Variants in TBC1D2 observed in about 807,000 individuals in gnomAD.
The protein encoded by TBC1D2 is TBC1 domain family member 2A.
Under a neutral mutation model 91.1 loss-of-function variants are expected in TBC1D2, and 58 were observed. The observed-to-expected ratio is 0.64, with a 90% CI of 0.52 to 0.79. The LOEUF is 0.79. TBC1D2 is among the 30% of genes least tolerant of loss of function. The pLI, the probability that TBC1D2 is intolerant of heterozygous loss-of-function variation, is 0.00. For missense variants in TBC1D2, 1,080 were observed against 1,208.3 expected, an observed-to-expected ratio of 0.89 and a Z score of 1.57; for synonymous variants, 482 against 511.5, an observed-to-expected ratio of 0.94 and a Z score of 0.78.
At chr9:98,215,300 T>G (rs1160327395) in intron 6 of TBC1D2, among the ~76,000 whole-genome samples, 1 of 152,192 alleles carries the variant, frequency 6.6e-6, no homozygotes, top group Non-Finnish European at 1.5e-5. Context: ...ATATAGAAAC[T>G]TATGAATACA....
In TBC1D2 at chr9:98,220,856, G is replaced by A; in HGVS notation, c.1351C>T (p.Gln451Ter). 2 of 1,614,114 alleles carry A rather than the reference G, an allele frequency of 1.2e-6. No individual in the cohort carries two copies. The highest frequency in any genetic ancestry group is 1.7e-6 in the Non-Finnish European group (2 of 1,179,980). The change falls in exon 6 of 13, where the codon CAG becomes TAG. Residue 451 changes from glutamine (Q) to a stop codon, truncating the protein, a stop_gained. Transcript: ENST00000465784. LOFTEE classifies it high-confidence loss of function. ...DAANRDFLSQ[Q>*]GKIEHLKDDM... is the part of the protein sequence containing the mutation. ...ACCTTCAGGTGCTCTATCTTCCCCT[G>A]CTGGCTCAGGAAGTCCCTGTTGGCA... is the stretch of plus-strand genomic sequence containing the variant.
chr9:98,233,561 C>T lies in TBC1D2; in HGVS notation c.648-12G>A. The T allele has an allele frequency of 1.2e-6, 2 of 1,613,590 alleles. No individual in the cohort carries two copies. The highest frequency in any genetic ancestry group is 1.7e-6 in the Non-Finnish European group (2 of 1,179,716). ...TGTGCATTGTGTTCCTGAAAGGAGA[C>T]AAGAACAGAGGAGCATGAGGCTGAA... is the stretch of plus-strand genomic sequence containing the variant. On this transcript the variant is annotated splice_polypyrimidine_tract_variant and intron_variant, in intron 3 of 12. Transcript: ENST00000465784.
At position 98,210,820 on chromosome 9, in the gene TBC1D2, G is replaced by A; in HGVS notation, c.1509C>T (p.Asn503=). Residue 503 remains asparagine (N), a synonymous_variant, in exon 8 of 13, where the codon AAC becomes AAT. Transcript: ENST00000465784. ...CCAGGTACTTGCTTTCCACCTGGCA[G>A]TTTCTGGCTTGGAGGTAGGCGCACT... ...LTKCAYLQAR[N]CQVESKYLAG... 6.4e-7 allele frequency: 1 copy of A among 1,552,044 alleles called. No individual in the cohort carries two copies.
At chr9:98,214,268 A>G (rs56389462) in intron 6 of TBC1D2, among the ~76,000 whole-genome samples, 1,227 of 60,218 alleles carry the variant, frequency 0.02, 8 homozygotes, top group South Asian at 0.028. Flanking sequence ...ACGTGGCCAG[A>G]TTGATTTGGA....
At chr9:98,219,917 C>T (rs1227714761) in intron 6 of TBC1D2, among the ~76,000 whole-genome samples, 8 of 152,302 alleles carry the variant, frequency 5.3e-5, no homozygotes, top group Admixed American at 5.2e-4. Context: ...TGAGTGCACT[C>T]CACAGCCACA....
chr9:98,237,996 C>A (rs201488677), intron 3 of TBC1D2, among the ~76,000 whole-genome samples: 13 of 150,048 alleles, frequency 8.7e-5, no homozygotes, highest in African/African-American at 2.5e-4. Flanking sequence ...CTCTGCCTCC[C>A]GGGTTCAAGC....
chr9:98,238,411 A>C lies in TBC1D2; in HGVS notation c.648-4862T>G, dbSNP rs923106849. Among the ~76,000 whole-genome samples, 6 of 137,310 alleles carry C rather than the reference A, an allele frequency of 4.4e-5. 1 individual carries two copies. The highest frequency in any genetic ancestry group is 7.2e-5 in the African/African-American group (2 of 27,694). 90.1% of individuals were successfully genotyped at this position (137,310 alleles called of 152,430 possible). A position where few individuals can be genotyped will look rare whatever the true frequency, so the allele number is the denominator to read the frequency against. ...GGTTGTTTATTACAGGTGTATAGAAATACAACTGATATTTCTATATTGATC... is the reference window on the plus strand; with the variant it reads ...GGTTGTTTATTACAGGTGTATAGAACTACAACTGATATTTCTATATTGATC... On this transcript the variant is annotated intron_variant, in intron 3 of 12. Coordinates refer to ENST00000465784, the MANE Select transcript of TBC1D2 (RefSeq NM_001267571.2).
intron 6 of TBC1D2, 42 bp downstream of exon 6, chr9:98,220,791 G>C (rs774152192): frequency 1.4e-5 from 23 of 1,603,022 alleles, no homozygotes; most frequent in Non-Finnish European, 1.9e-5. Flanking sequence ...GGCTGGGACA[G>C]AGGACCGGCA....
Position 98,199,051 on chromosome 9 carries a change from T to G in TBC1D2, c.*330A>C. The G allele has an allele frequency of 2.3e-6, 1 of 426,524 alleles. No homozygotes were observed. Among genetic ancestry groups the G allele is most frequent in the Non-Finnish European group, 4.3e-6 (1 of 234,946 alleles). 26.4% of individuals were successfully genotyped at this position (426,524 alleles called of 1,614,324 possible). ...TTATGAATGATTTCCACCATTTACA[T>G]TGTTTTATATTGATATAACCTAGAG... is the stretch of plus-strand genomic sequence containing the variant. On this transcript the variant is annotated 3_prime_UTR_variant, in exon 13 of 13. Coordinates refer to ENST00000465784, the MANE Select transcript of TBC1D2 (RefSeq NM_001267571.2).
chr9:98,200,318 C>T lies in TBC1D2; in HGVS notation c.2514G>A (p.Arg838=), dbSNP rs775370349. ...GGTAGATTTCCAGGCCATTCTGTAGCCTCAAGATCTCCTTCTCGTTGTACT... is the reference window on the plus strand; with the variant it reads ...GGTAGATTTCCAGGCCATTCTGTAGTCTCAAGATCTCCTTCTCGTTGTACT... ...IFKYNEKEIL[R]LQNGLEIYQY... The change falls in exon 12 of 13, where the codon AGG becomes AGA. Residue 838 remains arginine (R), a synonymous_variant. Coordinates refer to ENST00000465784, the MANE Select transcript of TBC1D2 (RefSeq NM_001267571.2). 2 of 1,613,452 alleles carry T rather than the reference C, an allele frequency of 1.2e-6. No homozygotes were observed. The highest frequency in any genetic ancestry group is 2.7e-5 in the African/African-American group (2 of 74,684).
intron 6 of TBC1D2, 72 bp downstream of exon 6, chr9:98,220,751 CTTAGGGGTGG>C: frequency 6.4e-7 from 1 of 1,550,496 alleles, no homozygotes; most frequent in Non-Finnish European, 8.7e-7. Context: ...CTAGCAAACC[CTTAGGGGTGG>C]AGAGCGCACC....
chr9:98,232,174 A>T (rs1340423037), intron 4 of TBC1D2, among the ~76,000 whole-genome samples: 1 of 152,114 alleles, frequency 6.6e-6, no homozygotes, highest in Non-Finnish European at 1.5e-5. Flanking sequence ...TTGCCAAAAA[A>T]AATGCTTACT....
At chr9:98,247,728 CAAAA>C (rs58713846) in intron 2 of TBC1D2, among the ~76,000 whole-genome samples, 13,836 of 69,794 alleles carry the variant, frequency 0.2, 426 homozygotes, top group South Asian at 0.28. Flanking sequence ...GACTCCGTCT[CAAAA>C]AAAAAAAAAA....
At position 98,201,852 on chromosome 9, in the gene TBC1D2, T is replaced by G. The variant is rs1366458113; in HGVS notation, c.2272-188A>C. Among the ~76,000 whole-genome samples the G allele has an allele frequency of 2.0e-5, 3 of 152,106 alleles. No individual in the cohort carries two copies. The East Asian group carries it at 5.8e-4, about 29-fold the overall frequency. ...GCTGGGAGTCAGGTACAGCATCATA[T>G]CACTCCGCTGCTCCTAATATAGGCC... On this transcript the variant is annotated intron_variant, in intron 10 of 12. Coordinates refer to ENST00000465784, the MANE Select transcript of TBC1D2 (RefSeq NM_001267571.2).
chr9:98,221,192 C>T lies in TBC1D2; in HGVS notation c.1015G>A (p.Ala339Thr), dbSNP rs373402118. 1.5e-5 allele frequency: 23 copies of T among 1,555,142 alleles called. No homozygotes were observed. The highest frequency in any genetic ancestry group is 5.8e-5 in the Admixed American group (3 of 51,944). The part of the protein sequence containing the change: ...VKILHKALEA[A>T]QQEKRASSAY... ...CTGGACGCCCGCTTCTCCTGCTGGG[C>T]GGCCTCCAGTGCCTTGTGCAGGATC... The change falls in exon 6 of 13, where the codon GCC becomes ACC. Residue 339 changes from alanine (A) to threonine (T), a missense_variant. Physicochemically the swap from Ala to Thr is moderately conservative, Grantham distance 58. Coordinates refer to ENST00000465784, the MANE Select transcript of TBC1D2 (RefSeq NM_001267571.2).
chr9:98,232,328 C>CTCTT (rs1433218743), intron 4 of TBC1D2, among the ~76,000 whole-genome samples: 8 of 85,540 alleles, frequency 9.4e-5, no homozygotes, highest in African/African-American at 6.0e-4. Flanking sequence ...TTCTTTTCTT[C>CTCTT]TTTCTCTTTT....
chr9:98,203,145 T>C lies in TBC1D2; in HGVS notation c.2271+143A>G, dbSNP rs143409186. The C allele has an allele frequency of 1.0e-3, 1,359 of 1,296,926 alleles. 10 individuals are homozygous for C. In the African/African-American group the frequency reaches 0.017, roughly 16 times the overall value. The allele number at this position is 1,296,926 out of a possible 1,614,324, so 80.3% of individuals were successfully genotyped here. ...GTTGTTAGGTTGGGCTTCTCTTCCA[T>C]GCAGCCAAATGCACTCCCACAGTGC... On this transcript the variant is annotated intron_variant, in intron 10 of 12. Coordinates refer to ENST00000465784, the MANE Select transcript of TBC1D2 (RefSeq NM_001267571.2).
chr9:98,240,407 C>T (rs767162000), intron 3 of TBC1D2, among the ~76,000 whole-genome samples: 2 of 152,150 alleles, frequency 1.3e-5, no homozygotes, highest in Non-Finnish European at 2.9e-5. Context: ...CTTCCCTTTC[C>T]CAGTCTTGCC....
intron 5 of TBC1D2, among the ~76,000 whole-genome samples, chr9:98,224,060 C>T (rs936598411): frequency 7.8e-4 from 118 of 151,926 alleles, no homozygotes; most frequent in African/African-American, 2.6e-3. Flanking sequence ...ATTAGCCAGG[C>T]GTGGTGGCGG....
Sources: allele counts gnomAD v4.1 joint callset (sites outside exome capture counted in the v4.1 genomes callset), GRCh38; gene constraint gnomAD v4.1.1; transcripts MANE v1.5; gene names NCBI Gene and HGNC (gene_info 2026-07-23, HGNC 2026-07-21).